KIAA1549: variants seen among roughly 807,000 people sequenced by gnomAD.
KIAA1549 encodes the protein KIAA1549.
In KIAA1549, 70 loss-of-function variants were observed where a neutral mutation model predicts 156.4. The ratio of observed to expected loss-of-function variants is 0.45; its 90% confidence interval spans 0.37 to 0.55. The LOEUF (loss-of-function observed/expected upper bound fraction) is 0.55. Among genes scored for constraint, KIAA1549 ranks in the 20% least tolerant of loss-of-function variants. The pLI is 0.00. For missense variants in KIAA1549, 2,428 were observed against 2,540.9 expected, an observed-to-expected ratio of 0.96 and a Z score of 0.96; for synonymous variants, 1,103 against 1,066.4, an observed-to-expected ratio of 1.03 and a Z score of -0.67.
At chr7:138,871,036 C>G in intron 13 of KIAA1549, 121 bp downstream of exon 13, 1 of 891,474 alleles carries the variant, frequency 1.1e-6, no homozygotes, top group Non-Finnish European at 1.7e-6. Context: ...AGGCTGGTCT[C>G]AAACTCCCGA....
intron 19 of KIAA1549, among the ~76,000 whole-genome samples, chr7:138,839,540 T>C (rs1461964109): frequency 2.6e-5 from 4 of 152,166 alleles, no homozygotes; most frequent in African/African-American, 4.8e-5. Context: ...TGAATATTTA[T>C]ACAGCAATCC....
At chr7:138,891,293 C>T (rs567408898) in intron 10 of KIAA1549, among the ~76,000 whole-genome samples, 12 of 152,364 alleles carry the variant, frequency 7.9e-5, no homozygotes, top group Middle Eastern at 3.4e-3. Flanking sequence ...CCTTTAGAAG[C>T]AACCAAGGGC....
At chr7:138,971,299 C>T (rs972956583) in intron 1 of KIAA1549, among the ~76,000 whole-genome samples, 2 of 152,260 alleles carry the variant, frequency 1.3e-5, no homozygotes, top group East Asian at 1.9e-4. Context: ...CAGATCTGCT[C>T]GCCTCCCACC....
chr7:138,887,946 G>A (rs535169915), intron 10 of KIAA1549, among the ~76,000 whole-genome samples: 10 of 152,266 alleles, frequency 6.6e-5, no homozygotes, highest in African/African-American at 2.2e-4. Flanking sequence ...GTTCACTCCC[G>A]CAGAAGAATA....
chr7:138,903,446 T>C (rs1038310381), intron 8 of KIAA1549, 142 bp downstream of exon 8: 4 of 825,534 alleles, frequency 4.8e-6, no homozygotes, highest in South Asian at 1.8e-5. Flanking sequence ...CTACCCAATA[T>C]AGCGATCAGT....
At chr7:138,869,042 C>G (rs1268235451) in intron 14 of KIAA1549, among the ~76,000 whole-genome samples, 2 of 152,142 alleles carry the variant, frequency 1.3e-5, no homozygotes, top group Non-Finnish European at 2.9e-5. Flanking sequence ...GTCTGGGAGA[C>G]CAGGGGAAGG....
chr7:138,930,964 C>T (rs1812851336), intron 1 of KIAA1549, among the ~76,000 whole-genome samples: 1 of 152,176 alleles, frequency 6.6e-6, no homozygotes, highest in South Asian at 2.1e-4. Context: ...AACTCTTCCT[C>T]TCACTTGAGC....
At chr7:138,887,626 G>A (rs1811435904) in intron 10 of KIAA1549, among the ~76,000 whole-genome samples, 1 of 152,118 alleles carries the variant, frequency 6.6e-6, no homozygotes, top group Non-Finnish European at 1.5e-5. Flanking sequence ...AGAGAGGCCC[G>A]CCTGTCATCC....
chr7:138,981,210 C>G lies in KIAA1549; in HGVS notation c.60G>C (p.Gly20=). The G allele has an allele frequency of 9.8e-6, 10 of 1,022,900 alleles. No individual in the cohort carries two copies. Among genetic ancestry groups the G allele is most frequent in the Non-Finnish European group, 1.2e-5 (10 of 856,510 alleles). The allele number at this position is 1,022,900 out of a possible 1,614,324, so 63.4% of individuals were successfully genotyped here. A position where few individuals can be genotyped will look rare whatever the true frequency, so the allele number is the denominator to read the frequency against. The change falls in exon 1 of 20, where the codon GGG becomes GGC. Residue 20 remains glycine (G), a synonymous_variant. Transcript: ENST00000422774. The surrounding 1 kb of genome is among the most constrained non-coding windows in gnomAD (Gnocchi z 4.5). ...GAAMEGKPRA[G]VALAPGPSGR... ...CGCTCGGCCCCGGGGCCAGCGCGAC[C>G]CCGGCGCGGGGCTTCCCCTCCATGG...
chr7:138,869,943 G>A lies in KIAA1549; in HGVS notation c.4552-182C>T, dbSNP rs6964549. Among the ~76,000 whole-genome samples the A allele has an allele frequency of 2.6e-3, 400 of 152,218 alleles. 1 individual carries two copies. Among genetic ancestry groups the A allele is most frequent in the African/African-American group, 8.9e-3 (368 of 41,524 alleles). On this transcript the variant is annotated intron_variant, in intron 13 of 19. Coordinates refer to ENST00000422774, the MANE Select transcript of KIAA1549 (RefSeq NM_001164665.2). ...CAGCTCGCTGCAACCTCCACTTCCC[G>A]GGTTCAAGTGATTCTCCTGTCTCAG...
Position 138,832,134 on chromosome 7 carries a change from G to T in KIAA1549, c.*5772C>A, listed in dbSNP as rs930991854. The T allele has an allele frequency of 4.5e-5, 10 of 223,250 alleles. No homozygotes were observed. Among genetic ancestry groups the T allele is most frequent in the Admixed American group, 1.7e-4 (3 of 17,286 alleles). 13.8% of individuals were successfully genotyped at this position (223,250 alleles called of 1,614,324 possible). A position where few individuals can be genotyped will look rare whatever the true frequency, so the allele number is the denominator to read the frequency against. ...AGCCCAGAAAGGTTCTGTGTAATCAGGGACTGCAAGAGACTCAAGTCACTC... is the reference window on the plus strand; with the variant it reads ...AGCCCAGAAAGGTTCTGTGTAATCATGGACTGCAAGAGACTCAAGTCACTC... On this transcript the variant is annotated 3_prime_UTR_variant, in exon 20 of 20. Transcript: ENST00000422774.
In KIAA1549 at chr7:138,873,074, A is replaced by AC. The variant is rs1554413423; in HGVS notation, c.4346-1713dup. 1.2e-3 allele frequency among the ~76,000 whole-genome samples: 177 copies of AC among 152,378 alleles called. 1 individual carries two copies. Among genetic ancestry groups the AC allele is most frequent in the African/African-American group, 4.2e-3 (173 of 41,586 alleles). ...TGAAACTTCAAAGCATAAGTGAAAA[A>AC]CACAAAGGTCTCTCCTCGGTGTAAA... On this transcript the variant is annotated intron_variant, in intron 12 of 19. Coordinates refer to ENST00000422774, the MANE Select transcript of KIAA1549 (RefSeq NM_001164665.2).
intron 1 of KIAA1549, among the ~76,000 whole-genome samples, chr7:138,961,095 G>A (rs578044661): frequency 6.6e-6 from 1 of 152,330 alleles, no homozygotes; most frequent in South Asian, 2.1e-4. Context: ...GGATCCGGGT[G>A]ACGGCCAATG....
At chr7:138,873,853 T>C (rs1584721099) in intron 12 of KIAA1549, among the ~76,000 whole-genome samples, 1 of 151,632 alleles carries the variant, frequency 6.6e-6, no homozygotes, top group South Asian at 2.1e-4. Flanking sequence ...CAGAAAATCT[T>C]CCAGCTTCCA....
At chr7:138,840,488 AC>A (rs1232189554) in intron 18 of KIAA1549, among the ~76,000 whole-genome samples, 4 of 152,052 alleles carry the variant, frequency 2.6e-5, no homozygotes, top group African/African-American at 9.7e-5. Context: ...AAGGAAATGC[AC>A]CACGAAGCGG....
At chr7:138,862,261 A>T (rs1357701401) in intron 15 of KIAA1549, among the ~76,000 whole-genome samples, 1 of 151,992 alleles carries the variant, frequency 6.6e-6, no homozygotes, top group Non-Finnish European at 1.5e-5. Context: ...TTGGGAGACC[A>T]AGGCAGGAAG....
At chr7:138,913,159 C>A (rs978797919) in intron 2 of KIAA1549, among the ~76,000 whole-genome samples, 2 of 152,120 alleles carry the variant, frequency 1.3e-5, no homozygotes, top group African/African-American at 4.8e-5. Flanking sequence ...TAGACGTGAG[C>A]CACCGCACCC....
intron 1 of KIAA1549, among the ~76,000 whole-genome samples, chr7:138,940,086 A>G (rs1352151280): frequency 6.6e-6 from 1 of 152,188 alleles, no homozygotes; most frequent in Non-Finnish European, 1.5e-5. Context: ...ACATATGTAT[A>G]CATGTGCCAG....
At position 138,861,385 on chromosome 7, in the gene KIAA1549, G is replaced by A. The variant is rs1810571946; in HGVS notation, c.5001C>T (p.Pro1667=). The change falls in exon 16 of 20, where the codon CCC becomes CCT. Residue 1667 remains proline (P), a synonymous_variant. Transcript: ENST00000422774. The stretch of plus-strand genomic sequence containing the variant: ...GTGGGATGTACTGGGAGGCCGGGAA[G>A]GGAAGGGCTGGATACCTCCCCAGTT... ...SVELGRYPAL[P]FPASQYIPPQ... The A allele has an allele frequency of 6.2e-7, 1 of 1,611,856 alleles. No homozygotes were observed. Among genetic ancestry groups the A allele is most frequent in the South Asian group, 1.1e-5 (1 of 90,718 alleles).
Sources: gnomAD v4.1 joint callset for allele counts (sites outside exome capture counted in the v4.1 genomes callset) on GRCh38, gnomAD v4.1.1 for gene constraint, Gnocchi (gnomAD v3.1) non-coding constraint, MANE v1.5 for transcripts, NCBI Gene and HGNC (gene_info 2026-07-23, HGNC 2026-07-21) for gene names.